The following SKAP1 variants were observed in gnomAD, a reference collection of about 807,000 sequenced individuals.
SKAP1 encodes src kinase associated phosphoprotein 1, also known as src kinase-associated phosphoprotein 1.
Under a neutral mutation model 58.5 loss-of-function variants are expected in SKAP1, and 44 were observed. The ratio of observed to expected loss-of-function variants is 0.75; its 90% confidence interval spans 0.59 to 0.97. SKAP1 has a LOEUF of 0.97. Among genes scored for constraint, SKAP1 ranks in the 50% least tolerant of loss-of-function variants. The pLI, the probability that SKAP1 is intolerant of heterozygous loss-of-function variation, is 0.00. For synonymous variants in SKAP1, 127 were observed against 149.7 expected (o/e 0.85, Z 1.11); for missense variants, 390 against 435.2 (o/e 0.90, Z 0.92).
chr17:48,268,544 T>G (rs1247975081), intron 4 of SKAP1, among the ~76,000 whole-genome samples: 1 of 152,070 alleles, frequency 6.6e-6, no homozygotes, highest in Admixed American at 6.6e-5. Context: ...CAGGCTGGAG[T>G]GCAGTGGCGT....
chr17:48,144,728 T>G (rs1376442709), intron 11 of SKAP1, among the ~76,000 whole-genome samples: 1 of 152,240 alleles, frequency 6.6e-6, no homozygotes, highest in Non-Finnish European at 1.5e-5. Flanking sequence ...TTGCTGATTC[T>G]TGAGTTTTAG....
chr17:48,173,681 C>T (rs1049724054), intron 9 of SKAP1, among the ~76,000 whole-genome samples: 4 of 152,156 alleles, frequency 2.6e-5, no homozygotes, highest in Non-Finnish European at 5.9e-5. Flanking sequence ...TTTATTCTAC[C>T]TCTGCTGTCT....
intron 4 of SKAP1, among the ~76,000 whole-genome samples, chr17:48,252,542 T>C (rs1598473081): frequency 6.6e-6 from 1 of 152,166 alleles, no homozygotes; most frequent in South Asian, 2.1e-4. Flanking sequence ...TAAAATGAAC[T>C]CTAGAGAAGG....
chr17:48,381,964 C>T (rs940874781), intron 2 of SKAP1, among the ~76,000 whole-genome samples: 8 of 152,078 alleles, frequency 5.3e-5, no homozygotes, highest in African/African-American at 1.9e-4. Flanking sequence ...GAGTGCTTTC[C>T]CAATAGTCAT....
chr17:48,274,273 G>T (rs576511635), intron 4 of SKAP1, among the ~76,000 whole-genome samples: 1 of 152,162 alleles, frequency 6.6e-6, no homozygotes, highest in Non-Finnish European at 1.5e-5. Context: ...GCACGGGCCC[G>T]TAGTCCCAGC....
At chr17:48,215,464 A>G (rs1225146497) in intron 4 of SKAP1, among the ~76,000 whole-genome samples, 1 of 152,234 alleles carries the variant, frequency 6.6e-6, no homozygotes, top group African/African-American at 2.4e-5. Context: ...GCCACAACAT[A>G]TATCTGCGAA....
At chr17:48,343,596 G>A (rs1377528169) in intron 4 of SKAP1, among the ~76,000 whole-genome samples, 5 of 152,120 alleles carry the variant, frequency 3.3e-5, no homozygotes, top group African/African-American at 1.2e-4. Context: ...TATTAAGTAA[G>A]AATTTAATAT....
intron 4 of SKAP1, among the ~76,000 whole-genome samples, chr17:48,242,507 T>C (rs1250349644): frequency 6.6e-6 from 1 of 152,118 alleles, no homozygotes; most frequent in African/African-American, 2.4e-5. Flanking sequence ...AACCAAAAAC[T>C]ATGAGTTTAT....
chr17:48,223,581 T>C (rs749080167), intron 4 of SKAP1, among the ~76,000 whole-genome samples: 1 of 152,236 alleles, frequency 6.6e-6, no homozygotes, highest in Admixed American at 6.5e-5. Context: ...TGTATCTATA[T>C]AAACCAAGCC....
At chr17:48,159,094 G>A (rs1319418068) in intron 11 of SKAP1, among the ~76,000 whole-genome samples, 2 of 152,080 alleles carry the variant, frequency 1.3e-5, no homozygotes, top group Non-Finnish European at 2.9e-5. Context: ...TCCGGACTCT[G>A]CCTTTCAGAA....
At chr17:48,430,032 G>A in intron 1 of SKAP1, 43 bp downstream of exon 1, 2 of 1,258,196 alleles carry the variant, frequency 1.6e-6, no homozygotes, top group Non-Finnish European at 2.0e-6. Context: ...TCCCCTTTCG[G>A]CCTTCGGCTC....
chr17:48,410,182 A>G (rs1354025020), intron 1 of SKAP1, among the ~76,000 whole-genome samples: 1 of 152,194 alleles, frequency 6.6e-6, no homozygotes, highest in Non-Finnish European at 1.5e-5. Context: ...GGTGGGTGCC[A>G]GGTTTCTCAC....
chr17:48,268,273 AAC>A (rs140432324), intron 4 of SKAP1, among the ~76,000 whole-genome samples: 27,987 of 131,134 alleles, frequency 0.21, 3,255 homozygotes, highest in East Asian at 0.47. Flanking sequence ...TTAAAAAAAA[AAC>A]AAAAAACCCA....
chr17:48,264,631 G>A (rs34171724), intron 4 of SKAP1, among the ~76,000 whole-genome samples: 2 of 151,914 alleles, frequency 1.3e-5, no homozygotes, highest in Admixed American at 1.3e-4. Context: ...AAATGGGGAG[G>A]GAAAAGGGAG....
At chr17:48,234,635 ATCTGTTATATGTCAGG>A (rs948030898) in intron 4 of SKAP1, among the ~76,000 whole-genome samples, 2 of 152,202 alleles carry the variant, frequency 1.3e-5, no homozygotes. Context: ...TTTATTCAGC[ATCTGTTATATGTCAGG>A]TAATGTTCTG....
chr17:48,200,443 C>G (rs902655531), intron 4 of SKAP1, among the ~76,000 whole-genome samples: 7 of 151,648 alleles, frequency 4.6e-5, no homozygotes, highest in Non-Finnish European at 7.4e-5. Context: ...ATGGCGCAAT[C>G]CCTGCTCACT....
intron 2 of SKAP1, among the ~76,000 whole-genome samples, chr17:48,373,054 G>C (rs1293519713): frequency 6.6e-6 from 1 of 152,132 alleles, no homozygotes; most frequent in East Asian, 1.9e-4. Context: ...ACCAAGATTT[G>C]TATCCAGGTT....
intron 4 of SKAP1, among the ~76,000 whole-genome samples, chr17:48,298,519 C>T (rs766317608): frequency 6.6e-6 from 1 of 152,150 alleles, no homozygotes; most frequent in Non-Finnish European, 1.5e-5. Context: ...ATTAAAAACT[C>T]TTAACTGTTT....
chr17:48,312,118 C>T (rs1455346497), intron 4 of SKAP1, among the ~76,000 whole-genome samples: 1 of 152,186 alleles, frequency 6.6e-6, no homozygotes, highest in East Asian at 1.9e-4. Flanking sequence ...CGATTTTAGC[C>T]ATTAGCCCAG....
Sources: allele counts gnomAD v4.1 joint callset (sites outside exome capture counted in the v4.1 genomes callset), GRCh38; gene constraint gnomAD v4.1.1; transcripts MANE v1.5; gene names NCBI Gene and HGNC (gene_info 2026-07-23, HGNC 2026-07-21).